The following ACAP2 variants were observed in gnomAD, a reference collection of about 807,000 sequenced individuals.
ACAP2 encodes the protein ArfGAP with coiled-coil, ankyrin repeat and PH domains 2, also known as arf-GAP with coiled-coil, ANK repeat and PH domain-containing protein 2.
In ACAP2, 39 loss-of-function variants were observed where a neutral mutation model predicts 115.8. The ratio of observed to expected loss-of-function variants is 0.34; its 90% CI spans 0.26 to 0.44. The LOEUF is 0.44. ACAP2 is among the 20% of genes least tolerant of loss of function. The probability of loss-of-function intolerance (pLI) is 1.00; values close to 1 mark genes in which losing one functional copy is unlikely to be tolerated. For synonymous variants in ACAP2, 289 were observed against 315.8 expected, an observed-to-expected ratio of 0.92 and a Z score of 0.90; for missense variants, 662 against 927.6, an observed-to-expected ratio of 0.71 and a Z score of 3.72.
intron 1 of ACAP2, among the ~76,000 whole-genome samples, chr3:195,393,433 A>C (rs909576974): frequency 3.3e-5 from 5 of 152,248 alleles, no homozygotes. Context: ...GAAGTGTTTA[A>C]ATCTCTAAAA....
At chr3:195,418,779 C>T (rs575315074) in intron 1 of ACAP2, among the ~76,000 whole-genome samples, 5 of 152,260 alleles carry the variant, frequency 3.3e-5, no homozygotes, top group South Asian at 2.1e-4. Context: ...GGTCCTTGCT[C>T]GGTCTGCCTT....
chr3:195,319,345 G>C (rs954534771), intron 10 of ACAP2, among the ~76,000 whole-genome samples: 1 of 152,216 alleles, frequency 6.6e-6, no homozygotes, highest in African/African-American at 2.4e-5. Context: ...GTGGAGCTTT[G>C]AGAAGAGGGC....
intron 4 of ACAP2, among the ~76,000 whole-genome samples, chr3:195,367,942 GCTGTT>G (rs1732844388): frequency 6.6e-6 from 1 of 152,192 alleles, no homozygotes; most frequent in Non-Finnish European, 1.5e-5. Flanking sequence ...CCACTTGGTG[GCTGTT>G]TTAAGTCACA....
chr3:195,393,100 G>A (rs1377060477), intron 1 of ACAP2, among the ~76,000 whole-genome samples: 1 of 152,160 alleles, frequency 6.6e-6, no homozygotes, highest in East Asian at 1.9e-4. Flanking sequence ...ACTTTGGGAG[G>A]CTGAGGGGAA....
intron 1 of ACAP2, among the ~76,000 whole-genome samples, chr3:195,402,532 A>G (rs761152527): frequency 7.9e-5 from 12 of 152,232 alleles, no homozygotes; most frequent in Non-Finnish European, 1.6e-4. Flanking sequence ...TATTATACAT[A>G]TAACTTTTTA....
At chr3:195,413,759 AAAAC>A (rs1297349092) in intron 1 of ACAP2, among the ~76,000 whole-genome samples, 4 of 151,838 alleles carry the variant, frequency 2.6e-5, no homozygotes, top group Non-Finnish European at 5.9e-5. Flanking sequence ...TCTCAAAACA[AAAAC>A]AAACAAAGAA....
At chr3:195,421,436 C>CA (rs1406586915) in intron 1 of ACAP2, among the ~76,000 whole-genome samples, 1 of 152,188 alleles carries the variant, frequency 6.6e-6, no homozygotes, top group African/African-American at 2.4e-5. Context: ...CAAACTCTAC[C>CA]TTCATAACAG....
chr3:195,439,464 C>G (rs1004413792), intron 1 of ACAP2, among the ~76,000 whole-genome samples: 6 of 152,058 alleles, frequency 3.9e-5, no homozygotes, highest in African/African-American at 1.4e-4. Flanking sequence ...CAGGCATGAA[C>G]CACTGCACCT....
intron 21 of ACAP2, among the ~76,000 whole-genome samples, chr3:195,287,944 A>G (rs1219101531): frequency 6.6e-6 from 1 of 152,128 alleles, no homozygotes; most frequent in Non-Finnish European, 1.5e-5. Context: ...TCTACTAAAA[A>G]TACAAAATTA....
chr3:195,378,589 G>A (rs1179833349), intron 4 of ACAP2, among the ~76,000 whole-genome samples: 5 of 151,398 alleles, frequency 3.3e-5, no homozygotes, highest in East Asian at 2.0e-4. Context: ...GGCCAGGTGC[G>A]GTGGCTCACG....
chr3:195,308,729 A>C, intron 11 of ACAP2, 57 bp downstream of exon 11: 1 of 1,415,756 alleles, frequency 7.1e-7, no homozygotes, highest in Non-Finnish European at 9.9e-7. Context: ...ATGTTTACCA[A>C]AACAGATAAA....
chr3:195,304,182 A>G (rs1241390335), intron 13 of ACAP2, among the ~76,000 whole-genome samples: 1 of 151,256 alleles, frequency 6.6e-6, no homozygotes, highest in Non-Finnish European at 1.5e-5. Context: ...AAAAAAAAAA[A>G]AAAAAAAAAA....
chr3:195,328,624 G>T (rs1262740863), intron 8 of ACAP2, among the ~76,000 whole-genome samples: 1 of 152,158 alleles, frequency 6.6e-6, no homozygotes, highest in African/African-American at 2.4e-5. Flanking sequence ...ACCATCCTAG[G>T]GGTTTTATGG....
intron 10 of ACAP2, among the ~76,000 whole-genome samples, chr3:195,309,494 C>T (rs1248421513): frequency 6.0e-5 from 9 of 150,272 alleles, no homozygotes; most frequent in Admixed American, 2.7e-4. Flanking sequence ...TGCAGTGAGC[C>T]GAGATCACGC....
At chr3:195,387,556 C>CTG (rs1307223518) in intron 2 of ACAP2, among the ~76,000 whole-genome samples, 1 of 152,182 alleles carries the variant, frequency 6.6e-6, no homozygotes, top group African/African-American at 2.4e-5. Flanking sequence ...GGGTCTTGCT[C>CTG]TGTCACCCAG....
At chr3:195,329,377 T>C (rs1464362127) in intron 8 of ACAP2, among the ~76,000 whole-genome samples, 1 of 152,134 alleles carries the variant, frequency 6.6e-6, no homozygotes, top group African/African-American at 2.4e-5. Flanking sequence ...TAAGCAGGTA[T>C]CCCTGGTCCT....
intron 4 of ACAP2, among the ~76,000 whole-genome samples, chr3:195,360,801 AAAAT>A (rs1301329939): frequency 6.6e-6 from 1 of 152,006 alleles, no homozygotes; most frequent in Non-Finnish European, 1.5e-5. Context: ...CCATCTCAAA[AAAAT>A]AAAAAAAAAA....
intron 1 of ACAP2, among the ~76,000 whole-genome samples, chr3:195,396,881 CA>C (rs533312823): frequency 7.5e-4 from 97 of 129,454 alleles, no homozygotes; most frequent in Non-Finnish European, 9.4e-4. Flanking sequence ...CAACCACCAC[CA>C]AAAAAAAAAA....
intron 1 of ACAP2, among the ~76,000 whole-genome samples, chr3:195,433,440 A>C (rs1194803492): frequency 6.6e-6 from 1 of 152,190 alleles, no homozygotes; most frequent in East Asian, 1.9e-4. Context: ...GGATGCCTTT[A>C]ATTTCTCTTT....
Sources: gnomAD v4.1 joint callset for allele counts (sites outside exome capture counted in the v4.1 genomes callset) on GRCh38, gnomAD v4.1.1 for gene constraint, MANE v1.5 for transcripts, NCBI Gene and HGNC (gene_info 2026-07-23, HGNC 2026-07-21) for gene names.